Variants in PTPRD observed in about 807,000 individuals in gnomAD.
PTPRD encodes receptor-type tyrosine-protein phosphatase delta.
A neutral mutation model predicts 214.5 loss-of-function variants in PTPRD; 34 were observed. The ratio of observed to expected loss-of-function variants is 0.16; its 90% CI spans 0.12 to 0.21. PTPRD has a LOEUF of 0.21. Among genes scored for constraint, PTPRD ranks in the 10% least tolerant of loss-of-function variants. The pLI is 1.00. For synonymous variants in PTPRD, 1,128 were observed against 845.7 expected, an observed-to-expected ratio of 1.33 and a Z score of -5.79; for missense variants, 2,545 against 2,398.7, an observed-to-expected ratio of 1.06 and a Z score of -1.27.
At chr9:9,801,755 G>A (rs1613507) in intron 5 of PTPRD, among the ~76,000 whole-genome samples, 97,313 of 151,800 alleles carry the variant, frequency 0.64, 33,177 homozygotes, top group African/African-American at 0.87. Context: ...CACCAAACAG[G>A]AGGATACTAA....
At chr9:9,997,190 T>C (rs1284351225) in intron 4 of PTPRD, among the ~76,000 whole-genome samples, 1 of 152,040 alleles carries the variant, frequency 6.6e-6, no homozygotes. Flanking sequence ...ATTCTAAAAT[T>C]GAAAGCAAAA....
rs537925846 is a variant in PTPRD at position 8,329,965 on chromosome 9, C to T, written c.5534+1617G>A. Among the ~76,000 whole-genome samples, 30 of 150,406 alleles carry T rather than the reference C, an allele frequency of 2.0e-4. 1 individual carries two copies. The highest frequency in any genetic ancestry group is 3.5e-4 in the Non-Finnish European group (24 of 67,880). On this transcript the variant is annotated intron_variant, in intron 44 of 45. Transcript: ENST00000381196. ...CTTGCTGGGCTCTGTGGGAGTGGAT[C>T]GTATCTTGCTGGGCTCTGTGGGGGT... is the stretch of plus-strand genomic sequence containing the variant.
At chr9:8,720,876 C>A (rs1287238513) in intron 12 of PTPRD, among the ~76,000 whole-genome samples, 1 of 152,034 alleles carries the variant, frequency 6.6e-6, no homozygotes, top group Non-Finnish European at 1.5e-5. Context: ...CCACTGGCAT[C>A]TCTTGGGCCC....
chr9:10,538,952 C>T (rs935760871), intron 2 of PTPRD, among the ~76,000 whole-genome samples: 25 of 152,128 alleles, frequency 1.6e-4, no homozygotes. Flanking sequence ...GTTACACAGT[C>T]ATTTCCTGGG....
chr9:9,667,406 C>T (rs569844782), intron 7 of PTPRD, among the ~76,000 whole-genome samples: 2 of 152,208 alleles, frequency 1.3e-5, no homozygotes, highest in South Asian at 4.1e-4. Context: ...GTATTGTGAT[C>T]ACAGCCAGCA....
At chr9:9,771,487 C>T (rs573577395) in intron 5 of PTPRD, among the ~76,000 whole-genome samples, 59 of 152,302 alleles carry the variant, frequency 3.9e-4, no homozygotes, top group African/African-American at 1.1e-3. Context: ...TTGAGCTTAT[C>T]GTGGAAGCCT....
intron 2 of PTPRD, among the ~76,000 whole-genome samples, chr9:10,350,582 G>T (rs760455319): frequency 3.3e-5 from 5 of 152,050 alleles, no homozygotes; most frequent in Non-Finnish European, 7.4e-5. Flanking sequence ...CTATTTTACA[G>T]ATGATGAAAC....
intron 2 of PTPRD, among the ~76,000 whole-genome samples, chr9:10,462,124 AG>A (rs1372316009): frequency 6.6e-6 from 1 of 152,166 alleles, no homozygotes; most frequent in Non-Finnish European, 1.5e-5. Context: ...TATTATATAC[AG>A]GAGTTTTGGT....
chr9:9,430,443 G>A (rs1179177770), intron 8 of PTPRD, among the ~76,000 whole-genome samples: 4 of 151,930 alleles, frequency 2.6e-5, no homozygotes, highest in African/African-American at 7.3e-5. Flanking sequence ...TTCATGGACA[G>A]GAAGAATCAA....
intron 3 of PTPRD, among the ~76,000 whole-genome samples, chr9:10,101,512 T>C (rs1410943562): frequency 6.6e-6 from 1 of 151,612 alleles, no homozygotes; most frequent in African/African-American, 2.4e-5. Context: ...CCACTGGACA[T>C]GAGGAGCCAA....
At chr9:8,656,154 G>C (rs1294581633) in intron 12 of PTPRD, among the ~76,000 whole-genome samples, 1 of 152,094 alleles carries the variant, frequency 6.6e-6, no homozygotes, top group African/African-American at 2.4e-5. Flanking sequence ...GTTGTTACTT[G>C]TTAAAGATGC....
At position 8,448,337 on chromosome 9, in the gene PTPRD, A is replaced by G. The variant is rs534998790; in HGVS notation, c.3988+1388T>C. ...AGTGAGACTCTGTCTCAAAAAACCC[A>G]TCAATCAAACAAACAACCAAAAACA... On this transcript the variant is annotated intron_variant, in intron 34 of 45. Coordinates refer to ENST00000381196, the MANE Select transcript of PTPRD (RefSeq NM_002839.4). Among the ~76,000 whole-genome samples the G allele has an allele frequency of 3.3e-5, 5 of 152,234 alleles. No homozygotes were observed. The South Asian group carries it at 1.0e-3, about 32-fold the overall frequency.
chr9:10,428,736 G>A (rs983354952), intron 2 of PTPRD, among the ~76,000 whole-genome samples: 2 of 152,032 alleles, frequency 1.3e-5, no homozygotes, highest in African/African-American at 4.8e-5. Flanking sequence ...ATTCTATTTG[G>A]TCCATGGTCT....
intron 3 of PTPRD, among the ~76,000 whole-genome samples, chr9:10,210,813 ATATATATATG>A (rs1364608280): frequency 8.3e-6 from 1 of 119,842 alleles, no homozygotes; most frequent in African/African-American, 3.3e-5. Context: ...ATATATATAT[ATATATATATG>A]TATGTATGTA....
chr9:10,597,997 TA>T (rs1474456293), intron 2 of PTPRD, among the ~76,000 whole-genome samples: 6 of 151,822 alleles, frequency 4.0e-5, no homozygotes, highest in Non-Finnish European at 4.4e-5. Context: ...GGGTGTGACG[TA>T]ATATATAGGC....
intron 3 of PTPRD, among the ~76,000 whole-genome samples, chr9:10,094,780 C>T (rs945667890): frequency 6.6e-6 from 1 of 151,390 alleles, no homozygotes; most frequent in African/African-American, 2.4e-5. Context: ...GCTAATTTTC[C>T]AGGCCTAAGA....
At chr9:10,078,173 T>G (rs1037688855) in intron 3 of PTPRD, among the ~76,000 whole-genome samples, 1 of 151,608 alleles carries the variant, frequency 6.6e-6, no homozygotes, top group African/African-American at 2.4e-5. Flanking sequence ...TAATCAAATA[T>G]CTTATACCAA....
At chr9:9,331,344 T>TAGTA (rs1231141888) in intron 9 of PTPRD, among the ~76,000 whole-genome samples, 1 of 152,108 alleles carries the variant, frequency 6.6e-6, no homozygotes, top group Non-Finnish European at 1.5e-5. Flanking sequence ...ATTCCTTAAA[T>TAGTA]AGTAGTATGA....
At chr9:10,455,318 C>T (rs534898564) in intron 2 of PTPRD, among the ~76,000 whole-genome samples, 33 of 151,746 alleles carry the variant, frequency 2.2e-4, no homozygotes, top group African/African-American at 7.0e-4. Flanking sequence ...ATCCTCCTTT[C>T]GACCTTTAAA....
Sources: gnomAD v4.1 joint callset for allele counts (sites outside exome capture counted in the v4.1 genomes callset) on GRCh38, gnomAD v4.1.1 for gene constraint, MANE v1.5 for transcripts, NCBI Gene and HGNC (gene_info 2026-07-23, HGNC 2026-07-21) for gene names.